Variants in MYO5C observed in about 807,000 individuals in gnomAD.
MYO5C encodes the protein myosin VC, also known as unconventional myosin-Vc.
Under a neutral mutation model 235.7 loss-of-function variants are expected in MYO5C, and 194 were observed. The ratio of observed to expected loss-of-function variants is 0.82; its 90% CI spans 0.73 to 0.93. The LOEUF is 0.93. MYO5C is among the 40% of genes least tolerant of loss of function. The pLI, the probability that MYO5C is intolerant of heterozygous loss-of-function variation, is 0.00. For synonymous variants in MYO5C, 707 were observed against 754.8 expected (o/e 0.94, Z 1.04); for missense variants, 2,038 against 2,127.2 (o/e 0.96, Z 0.82).
intron 7 of MYO5C, among the ~76,000 whole-genome samples, chr15:52,270,628 GTA>G (rs775402688): frequency 8.1e-5 from 12 of 148,658 alleles, no homozygotes; most frequent in East Asian, 2.0e-4. Context: ...ATATATAAAT[GTA>G]TGTGTATATA....
At position 52,282,821 on chromosome 15, in the gene MYO5C, A is replaced by G. The variant is rs762001603; in HGVS notation, c.99T>C (p.Val33=). The change falls in exon 2 of 41, where the codon GTT becomes GTC. Residue 33 remains valine (V), a synonymous_variant. Coordinates refer to ENST00000261839, the MANE Select transcript of MYO5C (RefSeq NM_018728.4). The stretch of plus-strand genomic sequence containing the variant: ...GCAGGAGTCGCAGGACCTTGTCACC[A>G]ACTCTGTAGTCCTTGGCTATTTCAG... ...KSAEIAKDYR[V]GDKVLRLLLE... The G allele has an allele frequency of 2.5e-6, 4 of 1,613,892 alleles. No homozygotes were observed. The highest frequency in any genetic ancestry group is 3.4e-6 in the Non-Finnish European group (4 of 1,179,734).
chr15:52,236,952 T>C (rs1192432766), intron 22 of MYO5C: 4 of 152,282 alleles, frequency 2.6e-5, no homozygotes, highest in Non-Finnish European at 4.4e-5. Flanking sequence ...TTTTTTGTTA[T>C]TCTCATTTTT....
chr15:52,247,609 G>A lies in MYO5C; in HGVS notation c.1747-17C>T. On this transcript the variant is annotated splice_polypyrimidine_tract_variant and intron_variant, in intron 14 of 40. Transcript: ENST00000261839. ...GAGATGAAACTGGAAGGAACAGAGA[G>A]GATCTCAATGTCCAAAAGCAACTGC... The A allele has an allele frequency of 6.2e-7, 1 of 1,612,794 alleles. No individual in the cohort carries two copies. Among genetic ancestry groups the A allele is most frequent in the Non-Finnish European group, 8.5e-7 (1 of 1,179,506 alleles).
At position 52,253,566 on chromosome 15, in the gene MYO5C, T is replaced by C. The variant is rs113086935; in HGVS notation, c.1396-109A>G. 10 of 1,075,694 alleles carry C rather than the reference T, an allele frequency of 9.3e-6. No individual in the cohort carries two copies. The Admixed American group carries it at 1.0e-4, about 11-fold the overall frequency. 66.6% of individuals were successfully genotyped at this position (1,075,694 alleles called of 1,614,324 possible). On this transcript the variant is annotated intron_variant, in intron 11 of 40. Coordinates refer to ENST00000261839, the MANE Select transcript of MYO5C (RefSeq NM_018728.4). The stretch of plus-strand genomic sequence containing the variant: ...GTAAATGGTTGATCTGTAATATTTA[T>C]GTTTAAAAAGAAGGACCCTGAAGTA...
At chr15:52,224,190 C>T (rs969375021) in intron 28 of MYO5C, among the ~76,000 whole-genome samples, 3 of 151,986 alleles carry the variant, frequency 2.0e-5, no homozygotes, top group Admixed American at 1.3e-4. Flanking sequence ...GGCTGAGGCA[C>T]GCAAATCGCT....
chr15:52,275,298 T>G (rs1409108313), intron 5 of MYO5C, among the ~76,000 whole-genome samples: 1 of 152,258 alleles, frequency 6.6e-6, no homozygotes, highest in Non-Finnish European at 1.5e-5. Flanking sequence ...TGGTTTCCCC[T>G]GGGATGTAAA....
At position 52,193,787 on chromosome 15, in the gene MYO5C, T is replaced by A. The variant is rs1351516992; in HGVS notation, c.*115A>T. ...GATGATGTGGTCCATTTGAGAAAAG[T>A]CTGTTTTCTTCCTTAAATCACATTC... On this transcript the variant is annotated 3_prime_UTR_variant, in exon 41 of 41. Transcript: ENST00000261839. The A allele has an allele frequency of 1.8e-6, 2 of 1,129,862 alleles. No individual in the cohort carries two copies. Among genetic ancestry groups the A allele is most frequent in the Non-Finnish European group, 2.5e-6 (2 of 793,016 alleles). 70.0% of individuals were successfully genotyped at this position (1,129,862 alleles called of 1,614,324 possible). A position where few individuals can be genotyped will look rare whatever the true frequency, so the allele number is the denominator to read the frequency against.
intron 9 of MYO5C, among the ~76,000 whole-genome samples, chr15:52,262,736 A>G (rs1158475468): frequency 6.6e-6 from 1 of 152,204 alleles, no homozygotes; most frequent in Non-Finnish European, 1.5e-5. Context: ...TCTCTCCCCA[A>G]ACCGTTGGTA....
intron 38 of MYO5C, 44 bp downstream of exon 38, chr15:52,204,821 T>C (rs2035266406): frequency 6.3e-7 from 1 of 1,594,846 alleles, no homozygotes; most frequent in Non-Finnish European, 8.5e-7. Context: ...AAGAGCATCC[T>C]TTCTGCAGGC....
At chr15:52,270,737 G>A (rs1229720702) in intron 7 of MYO5C, among the ~76,000 whole-genome samples, 1 of 151,700 alleles carries the variant, frequency 6.6e-6, no homozygotes, top group African/African-American at 2.4e-5. Flanking sequence ...AAATAGTAGA[G>A]GATCTTTCAG....
chr15:52,259,194 A>G (rs1359951402), intron 10 of MYO5C, among the ~76,000 whole-genome samples: 1 of 152,132 alleles, frequency 6.6e-6, no homozygotes, highest in African/African-American at 2.4e-5. Flanking sequence ...GCCGAGATGG[A>G]CAGATCACAA....
chr15:52,295,800 G>A lies in MYO5C; in HGVS notation c.-164C>T. On this transcript the variant is annotated 5_prime_UTR_variant, in exon 1 of 41. Transcript: ENST00000261839. ...GCCTCCTGTTCCCGTTCCCGAGTTGGCGGCGAGGGGAGGGGGCAGCGGCGG... is the reference window on the plus strand; with the variant it reads ...GCCTCCTGTTCCCGTTCCCGAGTTGACGGCGAGGGGAGGGGGCAGCGGCGG... The A allele has an allele frequency of 2.1e-6, 1 of 470,550 alleles. No individual in the cohort carries two copies. The highest frequency in any genetic ancestry group is 3.6e-6 in the Non-Finnish European group (1 of 275,374). The allele number at this position is 470,550 out of a possible 1,614,324, so 29.1% of individuals were successfully genotyped here. A position where few individuals can be genotyped will look rare whatever the true frequency, so the allele number is the denominator to read the frequency against.
rs546843057 is a variant in MYO5C, at chr15:52,198,956, C to T, written c.4821-2473G>A. Among the ~76,000 whole-genome samples, 8 of 152,020 alleles carry T rather than the reference C, an allele frequency of 5.3e-5. No individual in the cohort carries two copies. In the East Asian group the frequency reaches 1.2e-3, roughly 22 times the overall value. On this transcript the variant is annotated intron_variant, in intron 38 of 40. Transcript: ENST00000261839. ...TTGCCCAGGCTGGAGTGCAGTGGCACGATCTCGGTTCACTGCAAGCTCTGC... is the reference window on the plus strand; with the variant it reads ...TTGCCCAGGCTGGAGTGCAGTGGCATGATCTCGGTTCACTGCAAGCTCTGC...
At chr15:52,196,724 G>A (rs889413940) in intron 38 of MYO5C, among the ~76,000 whole-genome samples, 4 of 152,170 alleles carry the variant, frequency 2.6e-5, no homozygotes, top group Admixed American at 6.5e-5. Flanking sequence ...TCTGAGCAAA[G>A]AACAGTGATT....
chr15:52,240,973 C>T (rs1008119016), intron 20 of MYO5C, among the ~76,000 whole-genome samples: 3 of 152,156 alleles, frequency 2.0e-5, no homozygotes, highest in African/African-American at 7.2e-5. Context: ...GAAGTGAACA[C>T]TTATTGCTCT....
intron 10 of MYO5C, among the ~76,000 whole-genome samples, chr15:52,259,335 G>T (rs1320223685): frequency 2.7e-5 from 4 of 149,972 alleles, no homozygotes; most frequent in Non-Finnish European, 4.4e-5. Flanking sequence ...CAGGAGAATC[G>T]CTTGAACCTG....
chr15:52,270,300 A>C (rs2036891393), intron 7 of MYO5C, among the ~76,000 whole-genome samples: 1 of 152,116 alleles, frequency 6.6e-6, no homozygotes. Flanking sequence ...CAACAACAAA[A>C]AAAATCCTAC....
chr15:52,264,158 C>T (rs1236513462), intron 9 of MYO5C, 32 bp downstream of exon 9: 1 of 1,544,298 alleles, frequency 6.5e-7, no homozygotes, highest in South Asian at 1.1e-5. Flanking sequence ...GACCCTTAGA[C>T]AAAGGAAAAG....
At position 52,295,690 on chromosome 15, in the gene MYO5C, G is replaced by C. The variant is rs916555505; in HGVS notation, c.-54C>G. 124 of 1,256,592 alleles carry C rather than the reference G, an allele frequency of 9.9e-5. No homozygotes were observed. In the Middle Eastern group the frequency reaches 1.6e-3, roughly 16 times the overall value. 77.8% of individuals were successfully genotyped at this position (1,256,592 alleles called of 1,614,324 possible). On this transcript the variant is annotated 5_prime_UTR_variant, in exon 1 of 41. Transcript: ENST00000261839. ...GCTGCCGAACGTGCGAGGCTCGGGG[G>C]CTGGGCCTGCGCCGCAGAGGCCGGG...
Sources: gnomAD v4.1 joint callset for allele counts (sites outside exome capture counted in the v4.1 genomes callset) on GRCh38, gnomAD v4.1.1 for gene constraint, MANE v1.5 for transcripts, NCBI Gene and HGNC (gene_info 2026-07-23, HGNC 2026-07-21) for gene names.